The following CFAP61 variants were observed in gnomAD, a reference collection of about 807,000 sequenced individuals.
CFAP61 encodes cilia- and flagella-associated protein 61.
In CFAP61, 107 loss-of-function variants were observed where a neutral mutation model predicts 135.6. The ratio of observed to expected loss-of-function variants is 0.79; its 90% CI spans 0.67 to 0.93. CFAP61 has a LOEUF of 0.93. Among genes scored for constraint, CFAP61 ranks in the 40% least tolerant of loss-of-function variants. CFAP61 has a pLI of 0.00. For missense variants in CFAP61, 1,507 were observed against 1,556.2 expected (o/e 0.97, Z 0.53); for synonymous variants, 575 against 578.5 (o/e 0.99, Z 0.09).
At chr20:20,114,816 A>G (rs1053383446) in intron 8 of CFAP61, among the ~76,000 whole-genome samples, 3 of 152,178 alleles carry the variant, frequency 2.0e-5, no homozygotes, top group Non-Finnish European at 4.4e-5. Flanking sequence ...CTCAGAATTA[A>G]CTGAAAAGTT....
At chr20:20,262,574 CCT>C (rs2052331286) in intron 20 of CFAP61, among the ~76,000 whole-genome samples, 1 of 152,176 alleles carries the variant, frequency 6.6e-6, no homozygotes, top group Admixed American at 6.5e-5. Flanking sequence ...GCCCCCAGCC[CCT>C]GAGTCACCCC....
At chr20:20,112,830 T>G (rs2048888217) in intron 8 of CFAP61, among the ~76,000 whole-genome samples, 1 of 152,358 alleles carries the variant, frequency 6.6e-6, no homozygotes, top group South Asian at 2.1e-4. Context: ...TCCCATAAGC[T>G]ATTACCAAGT....
intron 6 of CFAP61, among the ~76,000 whole-genome samples, chr20:20,088,571 C>T (rs763700637): frequency 2.6e-5 from 4 of 152,080 alleles, no homozygotes; most frequent in Admixed American, 6.5e-5. Flanking sequence ...ATTCAATTAC[C>T]TCCCACCAGC....
intron 8 of CFAP61, among the ~76,000 whole-genome samples, chr20:20,127,125 G>A (rs986112572): frequency 5.9e-5 from 9 of 151,542 alleles, no homozygotes; most frequent in African/African-American, 2.2e-4. Flanking sequence ...TTCACTTCTT[G>A]TATCGTTTTT....
intron 15 of CFAP61, among the ~76,000 whole-genome samples, chr20:20,193,442 T>C (rs1263908032): frequency 6.6e-6 from 1 of 152,096 alleles, no homozygotes; most frequent in Non-Finnish European, 1.5e-5. Flanking sequence ...TTTCTCTTTC[T>C]TAGATTTATT....
At chr20:20,280,032 C>A (rs1475679883) in intron 22 of CFAP61, among the ~76,000 whole-genome samples, 1 of 152,124 alleles carries the variant, frequency 6.6e-6, no homozygotes, top group Non-Finnish European at 1.5e-5. Context: ...AGTTGAATTA[C>A]ATCCCCTAGA....
chr20:20,261,328 G>C (rs547640078), intron 20 of CFAP61, among the ~76,000 whole-genome samples: 1 of 152,302 alleles, frequency 6.6e-6, no homozygotes, highest in East Asian at 1.9e-4. Flanking sequence ...GCCAGCATTT[G>C]CCTGCTTGTC....
chr20:20,086,735 C>T (rs1010621121), intron 6 of CFAP61, among the ~76,000 whole-genome samples: 5 of 152,208 alleles, frequency 3.3e-5, no homozygotes, highest in Admixed American at 2.0e-4. Context: ...TGCTAAAGAA[C>T]TGCTACAGAA....
In CFAP61 at chr20:20,272,767, A is replaced by T. The variant is rs547128142; in HGVS notation, c.2504-4399A>T. Among the ~76,000 whole-genome samples, 3 of 152,206 alleles carry T rather than the reference A, an allele frequency of 2.0e-5. No individual in the cohort carries two copies. In the South Asian group the frequency reaches 6.2e-4, roughly 32 times the overall value. On this transcript the variant is annotated intron_variant, in intron 21 of 26. Transcript: ENST00000245957. ...GAAGATCTGTTTCTCTGAGGCACCT[A>T]CTGTTTGACTGTGTCTCTGCCCCCC...
intron 26 of CFAP61, among the ~76,000 whole-genome samples, chr20:20,355,389 GCAGAGAT>G (rs2059059584): frequency 1.0e-5 from 1 of 99,198 alleles, no homozygotes; most frequent in African/African-American, 4.0e-5. Context: ...GACACTGTGA[GCAGAGAT>G]GGTCACACTG....
chr20:20,240,433 C>A (rs2049934549), intron 18 of CFAP61, among the ~76,000 whole-genome samples: 1 of 152,124 alleles, frequency 6.6e-6, no homozygotes, highest in Admixed American at 6.5e-5. Context: ...TCAGTGTTTC[C>A]TCCACCCCTG....
At chr20:20,335,021 A>G (rs534490260) in intron 25 of CFAP61, among the ~76,000 whole-genome samples, 1 of 152,348 alleles carries the variant, frequency 6.6e-6, no homozygotes, top group East Asian at 1.9e-4. Context: ...TCATGAGTAG[A>G]ATAAAATGAT....
At chr20:20,240,324 T>C (rs566062407) in intron 18 of CFAP61, among the ~76,000 whole-genome samples, 9 of 152,196 alleles carry the variant, frequency 5.9e-5, no homozygotes, top group African/African-American at 2.2e-4. Flanking sequence ...GAGGAGCTGG[T>C]AAAACAGTCA....
At chr20:20,205,927 C>T (rs1416189799) in intron 17 of CFAP61, among the ~76,000 whole-genome samples, 3 of 151,710 alleles carry the variant, frequency 2.0e-5, no homozygotes, top group African/African-American at 7.3e-5. Context: ...GATTCAGTTC[C>T]ATGTTGGATG....
chr20:20,195,481 C>T (rs572985085), intron 15 of CFAP61, among the ~76,000 whole-genome samples: 2 of 152,190 alleles, frequency 1.3e-5, no homozygotes, highest in African/African-American at 2.4e-5. Context: ...CCTCCCCCCA[C>T]GCTCCTGACA....
chr20:20,222,517 A>G (rs952429988), intron 17 of CFAP61, among the ~76,000 whole-genome samples: 3 of 152,208 alleles, frequency 2.0e-5, no homozygotes, highest in African/African-American at 7.2e-5. Flanking sequence ...GAGCTACCAA[A>G]TTGTTCTGAG....
chr20:20,303,040 A>G (rs1455832729), intron 25 of CFAP61, among the ~76,000 whole-genome samples: 1 of 152,210 alleles, frequency 6.6e-6, no homozygotes, highest in Non-Finnish European at 1.5e-5. Flanking sequence ...GAAAACTGCA[A>G]GTATTTAAAA....
chr20:20,269,117 CTATATATATATATATATA>C (rs142189443), intron 21 of CFAP61, among the ~76,000 whole-genome samples: 1 of 104,572 alleles, frequency 9.6e-6, no homozygotes, highest in Non-Finnish European at 2.0e-5. Flanking sequence ...TATTCGTGGG[CTATATATATATATATATA>C]TATATATATA....
In CFAP61 at chr20:20,251,726, A is replaced by T; in HGVS notation, c.2291A>T (p.Tyr764Phe). ...CTTTCCACGGACGAGATCGTGCCCT[A>T]CGACCACCTCATCCTCTGCACCGGG... ...VVLSTDEIVP[Y>F]DHLILCTGQQ... Residue 764 changes from tyrosine (Y) to phenylalanine (F), a missense_variant, in exon 20 of 27, where the codon TAC (tyrosine) becomes TTC (phenylalanine). Physicochemically the swap from Tyr to Phe is conservative, Grantham distance 22. Transcript: ENST00000245957. 1 of 1,613,994 alleles carries T rather than the reference A, an allele frequency of 6.2e-7. No homozygotes were observed. The highest frequency in any genetic ancestry group is 8.5e-7 in the Non-Finnish European group (1 of 1,180,038).
Sources: gnomAD v4.1 joint callset for allele counts (sites outside exome capture counted in the v4.1 genomes callset) on GRCh38, gnomAD v4.1.1 for gene constraint, MANE v1.5 for transcripts, NCBI Gene and HGNC (gene_info 2026-07-23, HGNC 2026-07-21) for gene names.